Variants in CTNND2 observed in about 807,000 individuals in gnomAD.
CTNND2 encodes the protein catenin delta-2.
CTNND2 carries 22 observed loss-of-function variants against 144.4 expected under a neutral mutation model. The observed-to-expected ratio is 0.15, with a 90% CI of 0.11 to 0.22. The LOEUF (loss-of-function observed/expected upper bound fraction) is 0.22. CTNND2 is among the 10% of genes least tolerant of loss of function. The pLI is 1.00. For synonymous variants in CTNND2, 751 were observed against 695.6 expected (o/e 1.08, Z -1.25); for missense variants, 1,353 against 1,618.8 (o/e 0.84, Z 2.82).
chr5:11,784,767 G>T (rs1402638505), intron 1 of CTNND2, among the ~76,000 whole-genome samples: 1 of 152,184 alleles, frequency 6.6e-6, no homozygotes, highest in South Asian at 2.1e-4. Flanking sequence ...AAGGAATTCT[G>T]CCAACAATCT....
intron 2 of CTNND2, among the ~76,000 whole-genome samples, chr5:11,710,298 T>C (rs1054559837): frequency 6.6e-6 from 1 of 152,072 alleles, no homozygotes; most frequent in African/African-American, 2.4e-5. Flanking sequence ...ATCCCAGCAC[T>C]TTGGGAGGCT....
chr5:11,595,496 A>T (rs142762715), intron 2 of CTNND2, among the ~76,000 whole-genome samples: 57 of 152,314 alleles, frequency 3.7e-4, no homozygotes, highest in African/African-American at 1.2e-3. Flanking sequence ...TAAACCTCTT[A>T]TTTGAGACCT....
intron 1 of CTNND2, among the ~76,000 whole-genome samples, chr5:11,812,825 G>A (rs932432893): frequency 1.3e-5 from 2 of 152,086 alleles, no homozygotes; most frequent in African/African-American, 4.8e-5. Context: ...CACAAAAAAA[G>A]TTACTGGAGC....
Position 10,988,085 on chromosome 5 carries a change from G to A in CTNND2, c.3343+26C>T. On this transcript the variant is annotated intron_variant, in intron 20 of 21. Coordinates refer to ENST00000304623, the MANE Select transcript of CTNND2 (RefSeq NM_001332.4). The surrounding 1 kb of genome is among the most constrained non-coding windows in gnomAD (Gnocchi z 5.9). ...TCGCGGGTCAAGCCACCAAGTTCCAGGAGGGGGCGCGCGAGGGGCGCTCAC... is the reference window on the plus strand; with the variant it reads ...TCGCGGGTCAAGCCACCAAGTTCCAAGAGGGGGCGCGCGAGGGGCGCTCAC... 6.2e-7 allele frequency: 1 copy of A among 1,613,682 alleles called. No individual in the cohort carries two copies. Among genetic ancestry groups the A allele is most frequent in the Non-Finnish European group, 8.5e-7 (1 of 1,179,746 alleles).
chr5:11,612,589 G>T (rs1007134094), intron 2 of CTNND2, among the ~76,000 whole-genome samples: 6 of 152,082 alleles, frequency 3.9e-5, no homozygotes, highest in Non-Finnish European at 5.9e-5. Context: ...CTAATACTAC[G>T]ATGCTTACTA....
At chr5:11,145,603 T>C (rs758216111) in intron 12 of CTNND2, among the ~76,000 whole-genome samples, 78 of 152,160 alleles carry the variant, frequency 5.1e-4, no homozygotes, top group Non-Finnish European at 1.0e-3. Context: ...AGTGCTATCA[T>C]GGGTCCTCTC....
chr5:11,535,007 C>T (rs1420229767), intron 3 of CTNND2, among the ~76,000 whole-genome samples: 1 of 151,894 alleles, frequency 6.6e-6, no homozygotes, highest in Admixed American at 6.6e-5. Context: ...GCCAACATGA[C>T]GAAACACGTT....
At chr5:11,454,591 T>A (rs1027197471) in intron 3 of CTNND2, among the ~76,000 whole-genome samples, 1 of 141,646 alleles carries the variant, frequency 7.1e-6, no homozygotes, top group Non-Finnish European at 1.5e-5. Flanking sequence ...TAACAGAAAG[T>A]TTTTTTTCCT....
Position 11,732,256 on chromosome 5 carries a change from TGGAACA to T in CTNND2, c.48_53del (p.Val17_Pro18del). On this transcript the variant is annotated inframe_deletion, in exon 2 of 22. Transcript: ENST00000304623. ...TCTCTGAGGCTGATGAAGGCTGGTC[TGGAACA>T]GGCATAGCTCCTGCAAGGCAAGAGG... 1 of 1,613,818 alleles carries T rather than the reference TGGAACA, an allele frequency of 6.2e-7. No individual in the cohort carries two copies. The highest frequency in any genetic ancestry group is 8.5e-7 in the Non-Finnish European group (1 of 1,179,798).
intron 2 of CTNND2, among the ~76,000 whole-genome samples, chr5:11,675,274 C>G (rs1466501179): frequency 6.6e-6 from 1 of 152,192 alleles, no homozygotes; most frequent in Non-Finnish European, 1.5e-5. Context: ...TTCCATAGCA[C>G]CAGCCCAATC....
intron 9 of CTNND2, among the ~76,000 whole-genome samples, chr5:11,296,786 G>A (rs1179667516): frequency 6.6e-6 from 1 of 152,040 alleles, no homozygotes; most frequent in Non-Finnish European, 1.5e-5. Flanking sequence ...TGAACAATGA[G>A]AACACATGGA....
chr5:11,404,162 CA>C (rs1283941891), intron 5 of CTNND2, among the ~76,000 whole-genome samples: 1 of 152,168 alleles, frequency 6.6e-6, no homozygotes, highest in Non-Finnish European at 1.5e-5. Context: ...TGGAAATCTT[CA>C]AAAACATTCG....
intron 9 of CTNND2, among the ~76,000 whole-genome samples, chr5:11,249,152 C>T (rs1384434269): frequency 6.6e-6 from 1 of 152,166 alleles, no homozygotes; most frequent in African/African-American, 2.4e-5. Flanking sequence ...GAAGGAAGAG[C>T]GTACTCCTTG....
At chr5:11,814,503 A>G (rs577749482) in intron 1 of CTNND2, among the ~76,000 whole-genome samples, 8 of 152,340 alleles carry the variant, frequency 5.3e-5, no homozygotes, top group Admixed American at 3.9e-4. Context: ...TTTGCAAGAA[A>G]TGGTGACAGC....
At chr5:11,067,994 G>T (rs1055115569) in intron 16 of CTNND2, among the ~76,000 whole-genome samples, 2 of 152,136 alleles carry the variant, frequency 1.3e-5, no homozygotes, top group Admixed American at 1.3e-4. Flanking sequence ...GCTGAAGTTG[G>T]CTATTCCATT....
intron 9 of CTNND2, among the ~76,000 whole-genome samples, chr5:11,316,137 T>A (rs1435028991): frequency 6.6e-6 from 1 of 152,228 alleles, no homozygotes; most frequent in African/African-American, 2.4e-5. Flanking sequence ...AAACTATCAC[T>A]GGAGCTTATA....
rs144281719 is a variant in CTNND2, at chr5:11,342,980, T to C, written c.1628+3392A>G. Among the ~76,000 whole-genome samples the C allele has an allele frequency of 1.7e-3, 253 of 152,310 alleles. 1 individual carries two copies. The highest frequency in any genetic ancestry group is 5.5e-3 in the African/African-American group (229 of 41,566). On this transcript the variant is annotated intron_variant, in intron 9 of 21. Transcript: ENST00000304623. ...CATACAATTACAAATAAAATCTTCT[T>C]AGCAAATGGGGCTGTAAAGGGAATT...
intron 1 of CTNND2, among the ~76,000 whole-genome samples, chr5:11,853,962 CATCAGACT>C (rs1213168885): frequency 1.3e-5 from 2 of 152,230 alleles, no homozygotes; most frequent in Non-Finnish European, 2.9e-5. Context: ...TCTACAGGTT[CATCAGACT>C]GATCCAAGTC....
intron 9 of CTNND2, among the ~76,000 whole-genome samples, chr5:11,317,235 C>T (rs925798128): frequency 6.6e-6 from 1 of 152,182 alleles, no homozygotes; most frequent in Non-Finnish European, 1.5e-5. Flanking sequence ...CAGGGTCACA[C>T]AGCTAGTTAG....
Sources: allele counts gnomAD v4.1 joint callset (sites outside exome capture counted in the v4.1 genomes callset), GRCh38; gene constraint gnomAD v4.1.1; non-coding constraint Gnocchi (gnomAD v3.1); transcripts MANE v1.5; gene names NCBI Gene and HGNC (gene_info 2026-07-23, HGNC 2026-07-21).